Variants in UNC5D observed in about 807,000 individuals in gnomAD.
UNC5D encodes the protein netrin receptor UNC5D.
A neutral mutation model predicts 105.4 loss-of-function variants in UNC5D; 39 were observed. That is an observed-to-expected ratio of 0.37 (90% CI 0.29 to 0.48). UNC5D has a LOEUF of 0.48. UNC5D is among the 20% of genes least tolerant of loss of function. The pLI, the probability that UNC5D is intolerant of heterozygous loss-of-function variation, is 0.98. For missense variants in UNC5D, 991 were observed against 1,202.4 expected, an observed-to-expected ratio of 0.82 and a Z score of 2.60; for synonymous variants, 452 against 450.4, an observed-to-expected ratio of 1.00 and a Z score of -0.04.
chr8:35,281,914 T>C (rs1366629397), intron 1 of UNC5D, among the ~76,000 whole-genome samples: 1 of 152,186 alleles, frequency 6.6e-6, no homozygotes, highest in Non-Finnish European at 1.5e-5. Flanking sequence ...TGTGTATGGG[T>C]TACTTTTATA....
At chr8:35,554,091 C>T (rs1816358965) in intron 2 of UNC5D, among the ~76,000 whole-genome samples, 1 of 152,142 alleles carries the variant, frequency 6.6e-6, no homozygotes, top group African/African-American at 2.4e-5. Flanking sequence ...ATGGGAAATG[C>T]ATAGGACCTG....
chr8:35,396,396 C>T (rs577785539), intron 1 of UNC5D, among the ~76,000 whole-genome samples: 78 of 152,248 alleles, frequency 5.1e-4, no homozygotes, highest in Non-Finnish European at 8.8e-5. Flanking sequence ...TCACACCGGG[C>T]GCACCTCGTT....
chr8:35,601,418 C>T (rs1308786722), intron 4 of UNC5D, among the ~76,000 whole-genome samples: 1 of 152,128 alleles, frequency 6.6e-6, no homozygotes, highest in Non-Finnish European at 1.5e-5. Context: ...GATATTGATT[C>T]TTCTACCCAT....
In UNC5D at chr8:35,466,902, A is replaced by G. The variant is rs200462396; in HGVS notation, c.104-82390A>G. ...TTTGAGCATGGTTGTATTACGTAGC[A>G]TATTTTTGGAATTTCTTTCTGCAAG... On this transcript the variant is annotated intron_variant, in intron 1 of 16. Coordinates refer to ENST00000404895, the MANE Select transcript of UNC5D (RefSeq NM_080872.4). 4.2e-3 allele frequency among the ~76,000 whole-genome samples: 638 copies of G among 152,316 alleles called. 4 individuals are homozygous for G. The highest frequency in any genetic ancestry group is 0.015 in the African/African-American group (622 of 41,572).
chr8:35,409,518 A>G lies in UNC5D; in HGVS notation c.104-139774A>G, dbSNP rs1361555815. ...ACTCATGAGGTTGAGGATTTTTAAT[A>G]TGCTTATTTGTCATCTACCTATTTT... On this transcript the variant is annotated intron_variant, in intron 1 of 16. Coordinates refer to ENST00000404895, the MANE Select transcript of UNC5D (RefSeq NM_080872.4). 2.6e-5 allele frequency among the ~76,000 whole-genome samples: 4 copies of G among 151,866 alleles called. No individual in the cohort carries two copies. The South Asian group carries it at 6.3e-4, about 24-fold the overall frequency.
chr8:35,616,139 T>G (rs1275922417), intron 4 of UNC5D, among the ~76,000 whole-genome samples: 1 of 152,196 alleles, frequency 6.6e-6, no homozygotes, highest in Non-Finnish European at 1.5e-5. Context: ...GCCAGTTTTA[T>G]AAATAACCAA....
intron 2 of UNC5D, among the ~76,000 whole-genome samples, chr8:35,565,299 T>C (rs1817261472): frequency 6.6e-6 from 1 of 152,212 alleles, no homozygotes; most frequent in Admixed American, 6.5e-5. Context: ...GGTAAGGTGG[T>C]AGCTTATGGT....
intron 1 of UNC5D, among the ~76,000 whole-genome samples, chr8:35,446,177 A>C (rs906148996): frequency 2.0e-5 from 3 of 151,426 alleles, no homozygotes; most frequent in Non-Finnish European, 2.9e-5. Flanking sequence ...TTTCCCCCCG[A>C]GTCCTCAAAG....
chr8:35,325,977 C>T (rs1160987262), intron 1 of UNC5D, among the ~76,000 whole-genome samples: 1 of 152,148 alleles, frequency 6.6e-6, no homozygotes, highest in Non-Finnish European at 1.5e-5. Context: ...TGGCATCTTT[C>T]GGTCCTCAAG....
chr8:35,476,433 C>T (rs1460748747), intron 1 of UNC5D, among the ~76,000 whole-genome samples: 1 of 152,204 alleles, frequency 6.6e-6, no homozygotes, highest in Non-Finnish European at 1.5e-5. Context: ...TTTGATGAAT[C>T]TCTTTCACAG....
At chr8:35,292,716 CTTTTTTT>C in intron 1 of UNC5D, among the ~76,000 whole-genome samples, 1 of 123,624 alleles carries the variant, frequency 8.1e-6, no homozygotes, top group African/African-American at 3.0e-5. Flanking sequence ...CTTTTTTTTC[CTTTTTTT>C]TTTTTTTTTT....
intron 1 of UNC5D, among the ~76,000 whole-genome samples, chr8:35,494,485 A>T (rs947543400): frequency 6.6e-6 from 1 of 152,210 alleles, no homozygotes; most frequent in South Asian, 2.1e-4. Context: ...GAAAAATCCT[A>T]TAAGAATGCC....
intron 4 of UNC5D, among the ~76,000 whole-genome samples, chr8:35,663,519 G>A (rs928092150): frequency 2.0e-5 from 3 of 152,142 alleles, no homozygotes; most frequent in Admixed American, 2.0e-4. Flanking sequence ...AAATGAAGGT[G>A]TTCTTTTTCG....
chr8:35,271,697 A>AGG (rs1805378860), intron 1 of UNC5D, among the ~76,000 whole-genome samples: 1 of 69,198 alleles, frequency 1.4e-5, no homozygotes, highest in African/African-American at 5.8e-5. Flanking sequence ...ACATGTATAC[A>AGG]TGTATACATA....
At chr8:35,506,183 G>A (rs958393907) in intron 1 of UNC5D, among the ~76,000 whole-genome samples, 1 of 152,212 alleles carries the variant, frequency 6.6e-6, no homozygotes, top group Non-Finnish European at 1.5e-5. Flanking sequence ...GATCCTCAAT[G>A]TGTTGACTAT....
intron 1 of UNC5D, among the ~76,000 whole-genome samples, chr8:35,477,239 C>G (rs1266110940): frequency 1.3e-5 from 2 of 152,112 alleles, no homozygotes; most frequent in African/African-American, 4.8e-5. Context: ...TAGCCCTTTT[C>G]TCTTTGATTA....
Position 35,593,084 on chromosome 8 carries a change from C to A in UNC5D, c.467-2470C>A, listed in dbSNP as rs1411236194. ...ACACACACACACACACACACACACA[C>A]ACAAATATGTAAATTATACAAACGT... On this transcript the variant is annotated intron_variant, in intron 3 of 16. Coordinates refer to ENST00000404895, the MANE Select transcript of UNC5D (RefSeq NM_080872.4). Among the ~76,000 whole-genome samples the A allele has an allele frequency of 6.1e-5, 9 of 147,328 alleles. No individual in the cohort carries two copies. In the East Asian group the frequency reaches 1.8e-3, roughly 29 times the overall value.
At chr8:35,476,346 C>T (rs539218296) in intron 1 of UNC5D, among the ~76,000 whole-genome samples, 40 of 152,276 alleles carry the variant, frequency 2.6e-4, no homozygotes, top group Non-Finnish European at 4.9e-4. Context: ...GACACTTCCC[C>T]TCTTTGAGTA....
chr8:35,585,527 T>C (rs2130859134), intron 3 of UNC5D, among the ~76,000 whole-genome samples: 1 of 70,000 alleles, frequency 1.4e-5, no homozygotes, highest in Admixed American at 1.5e-4. Flanking sequence ...AACCATAATA[T>C]GTGTGTGTGT....
Sources: allele counts gnomAD v4.1 joint callset (sites outside exome capture counted in the v4.1 genomes callset), GRCh38; gene constraint gnomAD v4.1.1; transcripts MANE v1.5; gene names NCBI Gene and HGNC (gene_info 2026-07-23, HGNC 2026-07-21).